DOCK1: variants seen among roughly 807,000 people sequenced by gnomAD.
The protein encoded by DOCK1 is dedicator of cytokinesis 1.
Under a neutral mutation model 262.7 loss-of-function variants are expected in DOCK1, and 138 were observed. That is an observed-to-expected ratio of 0.53 (90% CI 0.46 to 0.61). The LOEUF is 0.61. DOCK1 is among the 20% of genes least tolerant of loss of function. DOCK1 has a pLI of 0.00. For missense variants in DOCK1, 1,908 were observed against 2,370.7 expected (o/e 0.80, Z 4.05); for synonymous variants, 866 against 867.4 (o/e 1.00, Z 0.03).
chr10:127,240,637 A>G (rs1276414880), intron 27 of DOCK1, among the ~76,000 whole-genome samples: 1 of 152,194 alleles, frequency 6.6e-6, no homozygotes, highest in African/African-American at 2.4e-5. Flanking sequence ...GGCACTGCAC[A>G]CTATCCTCTG....
At position 127,099,415 on chromosome 10, in the gene DOCK1, A is replaced by G. The variant is rs936486190; in HGVS notation, c.2446-6816A>G. Among the ~76,000 whole-genome samples the G allele has an allele frequency of 3.3e-5, 5 of 152,154 alleles. 1 individual carries two copies. The highest frequency in any genetic ancestry group is 1.3e-4 in the Admixed American group (2 of 15,272). ...CTGTATTCATCTCTTTTGCGTTGCT[A>G]TAAAGGATACCCAAGCCTGGGTAAC... On this transcript the variant is annotated intron_variant, in intron 23 of 51. Transcript: ENST00000623213.
intron 10 of DOCK1, 187 bp downstream of exon 10, chr10:127,000,494 T>G (rs77215898): frequency 1.7e-5 from 14 of 808,324 alleles, no homozygotes; most frequent in Non-Finnish European, 2.6e-5. Flanking sequence ...CTCAGGATGC[T>G]CTAGTCCTCA....
Position 127,175,442 on chromosome 10 carries a change from A to G in DOCK1, c.2847+47678A>G, listed in dbSNP as rs775162815. The G allele has an allele frequency of 1.9e-6, 3 of 1,612,138 alleles. No individual in the cohort carries two copies. Among genetic ancestry groups the G allele is most frequent in the African/African-American group, 2.7e-5 (2 of 74,912 alleles). On this transcript the variant is annotated intron_variant, in intron 27 of 51. Coordinates refer to ENST00000623213, the MANE Select transcript of DOCK1 (RefSeq NM_001290223.2). This position sits in a 1 kb window ranked among gnomAD's most constrained non-coding sequence, Gnocchi z 6.3. ...TGTGAGTCTGCGACGGCTGCTCACT[A>G]CATTCGGGGGACAGGCACTGCATCG...
intron 29 of DOCK1, among the ~76,000 whole-genome samples, chr10:127,306,793 C>G (rs965102130): frequency 2.6e-5 from 4 of 152,078 alleles, no homozygotes; most frequent in Admixed American, 1.3e-4. Flanking sequence ...CTAAACCAAA[C>G]GAAGGCAGTG....
chr10:127,019,306 C>T (rs1052539879), intron 13 of DOCK1, among the ~76,000 whole-genome samples: 10 of 152,156 alleles, frequency 6.6e-5, no homozygotes, highest in African/African-American at 2.4e-4. Context: ...ACAGGATTTG[C>T]GTGTTAACAT....
chr10:127,152,135 A>G (rs2052557349), intron 27 of DOCK1, among the ~76,000 whole-genome samples: 1 of 152,198 alleles, frequency 6.6e-6, no homozygotes, highest in African/African-American at 2.4e-5. Context: ...TAAAGACGGT[A>G]TGAGCTTTAG....
chr10:127,446,885 C>G lies in DOCK1; in HGVS notation c.5414-509C>G, dbSNP rs555113483. ...CTATGGCTAATGACTTCATGTCATA[C>G]GACTGTGGATTTTCCTGTGGAAAGA... On this transcript the variant is annotated intron_variant, in intron 50 of 51. Coordinates refer to ENST00000623213, the MANE Select transcript of DOCK1 (RefSeq NM_001290223.2). The surrounding 1 kb of genome is among the most constrained non-coding windows in gnomAD (Gnocchi z 4.4). Among the ~76,000 whole-genome samples the G allele has an allele frequency of 6.6e-6, 1 of 152,118 alleles. No individual in the cohort carries two copies. The highest frequency in any genetic ancestry group is 6.5e-5 in the Admixed American group (1 of 15,268).
chr10:127,304,989 C>A (rs971058222), intron 29 of DOCK1, among the ~76,000 whole-genome samples: 9 of 152,140 alleles, frequency 5.9e-5, no homozygotes, highest in African/African-American at 2.2e-4. Context: ...TCCAATGCTT[C>A]TTTTTGAACG....
In DOCK1 at chr10:127,141,109, G is replaced by A. The variant is rs11016440; in HGVS notation, c.2847+13345G>A. Among the ~76,000 whole-genome samples, 1,000 of 152,310 alleles carry A rather than the reference G, an allele frequency of 6.6e-3. 4 individuals are homozygous for A. Among genetic ancestry groups the A allele is most frequent in the Admixed American group, 0.012 (176 of 15,300 alleles). On this transcript the variant is annotated intron_variant, in intron 27 of 51. Transcript: ENST00000623213. ...AACGCCTTTCTGGGCTCATGGCATG[G>A]CTGGCATTCCTTGGCCCACTGTTTC... is the stretch of plus-strand genomic sequence containing the variant.
intron 27 of DOCK1, among the ~76,000 whole-genome samples, chr10:127,204,518 C>T (rs914098852): frequency 2.0e-5 from 3 of 152,156 alleles, no homozygotes; most frequent in Middle Eastern, 3.4e-3. Context: ...AACTCCTGAC[C>T]TCAAGCAATC....
intron 27 of DOCK1, among the ~76,000 whole-genome samples, chr10:127,247,346 CCTT>C (rs1368252410): frequency 6.6e-5 from 10 of 152,168 alleles, no homozygotes; most frequent in African/African-American, 2.4e-4. Context: ...TTCCTCCTGT[CCTT>C]CTTCTCGGGG....
chr10:127,234,532 A>C (rs2058975165), intron 27 of DOCK1, among the ~76,000 whole-genome samples: 1 of 152,156 alleles, frequency 6.6e-6, no homozygotes, highest in Non-Finnish European at 1.5e-5. Context: ...AAATGGAGAG[A>C]CAGTTTGCAT....
chr10:127,214,145 C>T (rs2095358), intron 27 of DOCK1, among the ~76,000 whole-genome samples: 36,588 of 152,172 alleles, frequency 0.24, 5,261 homozygotes, highest in Middle Eastern at 0.38. Flanking sequence ...CTGCACCCGA[C>T]CTTTTTTTCA....
intron 18 of DOCK1, 90 bp downstream of exon 18, chr10:127,032,410 G>A (rs746924277): frequency 2.3e-5 from 32 of 1,363,732 alleles, no homozygotes; most frequent in South Asian, 2.0e-4. Context: ...GGTGTGCTCC[G>A]TAGGTGCATG....
chr10:127,299,621 G>T (rs959014386), intron 29 of DOCK1, among the ~76,000 whole-genome samples: 1 of 152,190 alleles, frequency 6.6e-6, no homozygotes, highest in Non-Finnish European at 1.5e-5. Flanking sequence ...ACCTGGATTT[G>T]GGACTTCTGG....
At chr10:127,443,361 A>T (rs968519259) in intron 49 of DOCK1, among the ~76,000 whole-genome samples, 1 of 152,212 alleles carries the variant, frequency 6.6e-6, no homozygotes, top group Non-Finnish European at 1.5e-5. Context: ...TAAAAGTAGC[A>T]TGGACTCTGG....
intron 29 of DOCK1, among the ~76,000 whole-genome samples, chr10:127,292,543 G>T (rs534320836): frequency 6.6e-6 from 1 of 152,130 alleles, no homozygotes; most frequent in African/African-American, 2.4e-5. Context: ...AGGGGCCTTG[G>T]GGCTGTGGAG....
intron 51 of DOCK1, among the ~76,000 whole-genome samples, chr10:127,449,201 A>G (rs2070793868): frequency 6.6e-6 from 1 of 152,208 alleles, no homozygotes; most frequent in Non-Finnish European, 1.5e-5. Context: ...GGCCATTTCT[A>G]ACTACTTGTG....
chr10:127,081,362 A>C (rs1591947171), intron 23 of DOCK1, among the ~76,000 whole-genome samples: 1 of 140,478 alleles, frequency 7.1e-6, no homozygotes, highest in Non-Finnish European at 1.5e-5. Flanking sequence ...TGGACCCTGT[A>C]TGTGGGGCTT....
Sources: allele counts gnomAD v4.1 joint callset (sites outside exome capture counted in the v4.1 genomes callset), GRCh38; gene constraint gnomAD v4.1.1; non-coding constraint Gnocchi (gnomAD v3.1); transcripts MANE v1.5; gene names NCBI Gene and HGNC (gene_info 2026-07-23, HGNC 2026-07-21).